PSEN1: variants seen among roughly 807,000 people sequenced by gnomAD.
PSEN1 encodes presenilin 1.
Under a neutral mutation model 53.5 loss-of-function variants are expected in PSEN1, and 15 were observed. The observed-to-expected ratio is 0.28, with a 90% confidence interval of 0.19 to 0.43. PSEN1 has a LOEUF of 0.43. Among genes scored for constraint, PSEN1 ranks in the 20% least tolerant of loss-of-function variants. The probability of loss-of-function intolerance (pLI) is 1.00; values close to 1 mark genes in which losing one functional copy is unlikely to be tolerated. For synonymous variants in PSEN1, 208 were observed against 209.8 expected (o/e 0.99, Z 0.08); for missense variants, 387 against 571.2 (o/e 0.68, Z 3.29).
At chr14:73,195,354 G>T (rs1898898803) in intron 7 of PSEN1, among the ~76,000 whole-genome samples, 1 of 152,024 alleles carries the variant, frequency 6.6e-6, no homozygotes, top group Non-Finnish European at 1.5e-5. Context: ...TGTATTTTTA[G>T]TAGAGACGAG....
chr14:73,219,366 C>T lies in PSEN1; in HGVS notation c.*77C>T, dbSNP rs1900058944. 6.9e-7 allele frequency: 1 copy of T among 1,450,296 alleles called. No individual in the cohort carries two copies. Among genetic ancestry groups the T allele is most frequent in the Admixed American group, 1.7e-5 (1 of 59,794 alleles). 89.8% of individuals were successfully genotyped at this position (1,450,296 alleles called of 1,614,324 possible). On this transcript the variant is annotated 3_prime_UTR_variant, in exon 12 of 12. Coordinates refer to ENST00000324501, the MANE Select transcript of PSEN1 (RefSeq NM_000021.4). ...TCTGGGGAGGACAAAGGTGATTTTCCTGTGTCCACATCTAACAAAGTCAAG... is the reference window on the plus strand; with the variant it reads ...TCTGGGGAGGACAAAGGTGATTTTCTTGTGTCCACATCTAACAAAGTCAAG...
At chr14:73,162,097 C>T (rs183906237) in intron 3 of PSEN1, among the ~76,000 whole-genome samples, 3,599 of 149,872 alleles carry the variant, frequency 0.024, 151 homozygotes, top group African/African-American at 0.08. Flanking sequence ...GAGAATCACT[C>T]TAACCTGGGA....
chr14:73,199,716 A>G (rs1222219805), intron 8 of PSEN1, among the ~76,000 whole-genome samples: 1 of 152,180 alleles, frequency 6.6e-6, no homozygotes, highest in Non-Finnish European at 1.5e-5. Flanking sequence ...AGTAATATGA[A>G]AGTATCAATT....
intron 8 of PSEN1, among the ~76,000 whole-genome samples, chr14:73,202,443 TATATATATATATATATATA>T (rs1408049801): frequency 2.2e-3 from 39 of 17,540 alleles, no homozygotes; most frequent in African/African-American, 3.7e-3. Context: ...TATATATATA[TATATATATATATATATATA>T]TTTTTTTTTT....
chr14:73,162,499 C>T (rs191632202), intron 3 of PSEN1, among the ~76,000 whole-genome samples: 39 of 150,858 alleles, frequency 2.6e-4, no homozygotes, highest in Non-Finnish European at 3.3e-4. Context: ...AGAGAGCACG[C>T]GAACAAGCGA....
At chr14:73,161,880 C>T (rs185679892) in intron 3 of PSEN1, among the ~76,000 whole-genome samples, 2 of 151,396 alleles carry the variant, frequency 1.3e-5, no homozygotes. Flanking sequence ...ATAGGCCGGG[C>T]GCAGTGGCTC....
chr14:73,138,069 CA>C (rs768639296), intron 1 of PSEN1: 5,489 of 112,962 alleles, frequency 0.049, 302 homozygotes, highest in African/African-American at 0.15. Flanking sequence ...GAGACTGTCT[CA>C]AAAAAAAAAA....
At chr14:73,154,988 A>G (rs985539173) in intron 3 of PSEN1, among the ~76,000 whole-genome samples, 1 of 152,198 alleles carries the variant, frequency 6.6e-6, no homozygotes, top group Non-Finnish European at 1.5e-5. Context: ...GAATCTACAG[A>G]TACACATGCC....
intron 10 of PSEN1, among the ~76,000 whole-genome samples, chr14:73,214,083 G>A (rs1899811521): frequency 6.6e-6 from 1 of 152,116 alleles, no homozygotes; most frequent in Admixed American, 6.5e-5. Context: ...CAACCCACAT[G>A]TCTATTAACT....
intron 1 of PSEN1, among the ~76,000 whole-genome samples, chr14:73,139,107 C>T (rs1052533567): frequency 2.0e-5 from 3 of 149,620 alleles, no homozygotes; most frequent in Admixed American, 1.3e-4. Context: ...CGCGGTGAAA[C>T]CCCGTCTCTA....
intron 1 of PSEN1, among the ~76,000 whole-genome samples, chr14:73,146,686 A>G (rs779628997): frequency 6.6e-6 from 1 of 152,244 alleles, no homozygotes; most frequent in Non-Finnish European, 1.5e-5. Context: ...TGCATTTTTG[A>G]TGAAAAATCA....
chr14:73,146,188 T>C (rs1405399420), intron 1 of PSEN1: 1 of 149,724 alleles, frequency 6.7e-6, no homozygotes, highest in African/African-American at 2.4e-5. Context: ...AAAAATCTTT[T>C]TTTTTTTTTT....
chr14:73,203,785 C>A (rs534510400), intron 8 of PSEN1, among the ~76,000 whole-genome samples: 1 of 152,256 alleles, frequency 6.6e-6, no homozygotes, highest in East Asian at 1.9e-4. Context: ...GGGAAACTAA[C>A]AATTCCTTGA....
In PSEN1 at chr14:73,221,588, T is replaced by A. The variant is rs1371502812; in HGVS notation, c.*2299T>A. On this transcript the variant is annotated 3_prime_UTR_variant, in exon 12 of 12. Transcript: ENST00000324501. ...AGACAGTGTACAGAGAACCTATCTT[T>A]CCTTTTTTTTTTTTTAAAGGACAGG... 1 of 151,926 alleles carries A rather than the reference T, an allele frequency of 6.6e-6. No homozygotes were observed. Among genetic ancestry groups the A allele is most frequent in the African/African-American group, 2.4e-5 (1 of 41,382 alleles). The allele number at this position is 151,926 out of a possible 1,614,324, so 9.4% of individuals were successfully genotyped here. A position where few individuals can be genotyped will look rare whatever the true frequency, so the allele number is the denominator to read the frequency against.
chr14:73,191,586 T>A (rs1353850171), intron 6 of PSEN1, among the ~76,000 whole-genome samples: 1 of 152,154 alleles, frequency 6.6e-6, no homozygotes. Flanking sequence ...CTTGCTGTGT[T>A]GCCCAGGCTG....
intron 10 of PSEN1, among the ~76,000 whole-genome samples, chr14:73,216,595 T>C (rs987968216): frequency 2.6e-5 from 4 of 151,782 alleles, no homozygotes; most frequent in Non-Finnish European, 5.9e-5. Flanking sequence ...CCTGTCTCCA[T>C]CAAAAATAAA....
intron 6 of PSEN1, chr14:73,189,796 G>T: frequency 4.1e-6 from 1 of 246,538 alleles, no homozygotes; most frequent in South Asian, 4.7e-5. Context: ...CCTGCCCCCA[G>T]CTCCCCTTAA....
At position 73,148,068 on chromosome 14, in the gene PSEN1, T is replaced by C; in HGVS notation, c.49T>C (p.Ser17Pro). The C allele has an allele frequency of 6.2e-7, 1 of 1,614,118 alleles. No homozygotes were observed. The highest frequency in any genetic ancestry group is 8.5e-7 in the Non-Finnish European group (1 of 1,179,974). The change falls in exon 3 of 12, where the codon TCT (serine) becomes CCT (proline). Residue 17 changes from serine to proline, a missense_variant. By Grantham distance (74) the Ser-to-Pro change is moderately conservative. Transcript: ENST00000324501. ...GTCCTACTTCCAGAATGCACAGATG[T>C]CTGAGGACAACCACCTGAGCAATAC... The part of the protein sequence containing the change: ...PLSYFQNAQM[S>P]EDNHLSNTVR...
At chr14:73,202,445 TATATATATATA>T (rs1899248305) in intron 8 of PSEN1, among the ~76,000 whole-genome samples, 2 of 17,502 alleles carry the variant, frequency 1.1e-4, no homozygotes, top group African/African-American at 2.6e-4. Flanking sequence ...TATATATATA[TATATATATATA>T]TATATATTTT....
Sources: allele counts gnomAD v4.1 joint callset (sites outside exome capture counted in the v4.1 genomes callset), GRCh38; gene constraint gnomAD v4.1.1; transcripts MANE v1.5; gene names NCBI Gene and HGNC (gene_info 2026-07-23, HGNC 2026-07-21).